Variants in GTPBP1 observed in about 807,000 individuals in gnomAD.
The protein encoded by GTPBP1 is GTP binding protein 1, also known as GTP-binding protein 1.
A neutral mutation model predicts 62.0 loss-of-function variants in GTPBP1; 23 were observed. That is an observed-to-expected ratio of 0.37 (90% CI 0.27 to 0.53). GTPBP1 has a LOEUF of 0.53. Ranked by LOEUF, GTPBP1 falls within the 20% of genes least tolerant of loss-of-function variation. The pLI is 0.89. For missense variants in GTPBP1, 640 were observed against 917.3 expected (o/e 0.70, Z 3.90); for synonymous variants, 344 against 364.4 (o/e 0.94, Z 0.64).
chr22:38,724,524 C>CT, intron 6 of GTPBP1, 113 bp downstream of exon 6: 1 of 662,390 alleles, frequency 1.5e-6, no homozygotes, highest in Non-Finnish European at 2.8e-6. Flanking sequence ...GAAAACACCA[C>CT]ATCAACACCT....
Position 38,730,896 on chromosome 22 carries a change from G to A in GTPBP1, c.*192G>A, listed in dbSNP as rs1366825043. On this transcript the variant is annotated 3_prime_UTR_variant, in exon 12 of 12. Coordinates refer to ENST00000216044, the MANE Select transcript of GTPBP1 (RefSeq NM_004286.5). The surrounding 1 kb of genome is among the most constrained non-coding windows in gnomAD (Gnocchi z 5.6). ...AGCTGACGAAGGTAGCCAGACTTCC[G>A]GAGGACTGACCATCTCTCACTGTCC... is the stretch of plus-strand genomic sequence containing the variant. The A allele has an allele frequency of 2.9e-5, 16 of 556,022 alleles. No homozygotes were observed. Among genetic ancestry groups the A allele is most frequent in the African/African-American group, 3.9e-5 (2 of 51,280 alleles). 34.4% of individuals were successfully genotyped at this position (556,022 alleles called of 1,614,324 possible). A position where few individuals can be genotyped will look rare whatever the true frequency, so the allele number is the denominator to read the frequency against.
At chr22:38,715,143 G>GTC (rs2092662372) in intron 2 of GTPBP1, among the ~76,000 whole-genome samples, 1 of 152,056 alleles carries the variant, frequency 6.6e-6, no homozygotes, top group African/African-American at 2.4e-5. Flanking sequence ...CCCCTTACTG[G>GTC]TCTCTCACTT....
At position 38,730,782 on chromosome 22, in the gene GTPBP1, A is replaced by C; in HGVS notation, c.*78A>C. 1 of 774,458 alleles carries C rather than the reference A, an allele frequency of 1.3e-6. No individual in the cohort carries two copies. Among genetic ancestry groups the C allele is most frequent in the Non-Finnish European group, 2.0e-6 (1 of 490,650 alleles). The allele number at this position is 774,458 out of a possible 1,614,324, so 48.0% of individuals were successfully genotyped here. ...ACTCCACCAGATGGGCAGAGCAGCT[A>C]TGACCGCCACCCAGCCCTCCCGCTC... On this transcript the variant is annotated 3_prime_UTR_variant, in exon 12 of 12. Transcript: ENST00000216044. This position sits in a 1 kb window ranked among gnomAD's most constrained non-coding sequence, Gnocchi z 5.6.
At chr22:38,729,213 G>C in intron 10 of GTPBP1, 1 of 389,508 alleles carries the variant, frequency 2.6e-6, no homozygotes, top group Non-Finnish European at 4.6e-6. Flanking sequence ...GCCTTTCTGG[G>C]CTGGGCAGAG....
At chr22:38,738,362 C>G, downstream of GTPBP1, 1 of 1,190,860 alleles carries the variant, frequency 8.4e-7, no homozygotes, top group Non-Finnish European at 1.2e-6. This position sits in a 1 kb window ranked among gnomAD's most constrained non-coding sequence, Gnocchi z 6.6. Flanking sequence ...AGGTCAGGCA[C>G]CAGAGTGGCC....
chr22:38,738,765 A>G (rs1288053063), downstream of GTPBP1: 1 of 1,612,696 alleles, frequency 6.2e-7, no homozygotes, highest in Non-Finnish European at 8.5e-7. The surrounding 1 kb of genome is among the most constrained non-coding windows in gnomAD (Gnocchi z 6.6). Flanking sequence ...CTGGAGGAGC[A>G]GAAAGTCATG....
downstream of GTPBP1, chr22:38,742,405 C>T (rs950187445): frequency 3.7e-6 from 6 of 1,613,342 alleles, no homozygotes; most frequent in Non-Finnish European, 5.1e-6. Context: ...TGGCTCAGGC[C>T]ACCACCACCT....
intron 2 of GTPBP1, among the ~76,000 whole-genome samples, chr22:38,711,856 TAGG>T (rs2145844454): frequency 6.6e-6 from 1 of 151,878 alleles, no homozygotes; most frequent in South Asian, 2.1e-4. Context: ...TCAGGGGACA[TAGG>T]AGGAGTATTA....
chr22:38,716,638 T>C lies in GTPBP1; in HGVS notation c.486-14T>C. 1 of 1,571,040 alleles carries C rather than the reference T, an allele frequency of 6.4e-7. No homozygotes were observed. Among genetic ancestry groups the C allele is most frequent in the Non-Finnish European group, 8.7e-7 (1 of 1,144,908 alleles). The stretch of plus-strand genomic sequence containing the variant: ...CTAACTCTCACATAGATGTATGGGT[T>C]CATCTACACGCAGGGTAGCAGTGGT... On this transcript the variant is annotated splice_polypyrimidine_tract_variant and intron_variant, in intron 3 of 11. Coordinates refer to ENST00000216044, the MANE Select transcript of GTPBP1 (RefSeq NM_004286.5). This position sits in a 1 kb window ranked among gnomAD's most constrained non-coding sequence, Gnocchi z 5.2.
downstream of GTPBP1, chr22:38,734,507 C>T: frequency 1.2e-5 from 4 of 322,376 alleles, no homozygotes; most frequent in South Asian, 9.1e-5. Flanking sequence ...AATAAAGCCA[C>T]CTCACTGCTT....
downstream of GTPBP1, chr22:38,738,641 C>T: frequency 6.2e-7 from 1 of 1,614,048 alleles, no homozygotes; most frequent in Non-Finnish European, 8.5e-7. The surrounding 1 kb of genome is among the most constrained non-coding windows in gnomAD (Gnocchi z 6.6). Context: ...GTGACAAGGC[C>T]TTGGGCACAT....
chr22:38,722,670 T>G (rs2092706608), intron 5 of GTPBP1: 2 of 1,550,744 alleles, frequency 1.3e-6, no homozygotes, highest in Admixed American at 3.6e-5. Flanking sequence ...TAATCATCTA[T>G]AAAATGATAA....
rs2092754213 is a variant in GTPBP1 at position 38,730,796 on chromosome 22, G to A, written c.*92G>A. Reference sequence around the variant, plus strand: ...GCAGAGCAGCTATGACCGCCACCCAGCCCTCCCGCTCAGGCCACAGCCGGA... The same window carrying A: ...GCAGAGCAGCTATGACCGCCACCCAACCCTCCCGCTCAGGCCACAGCCGGA... On this transcript the variant is annotated 3_prime_UTR_variant, in exon 12 of 12. Transcript: ENST00000216044. This position sits in a 1 kb window ranked among gnomAD's most constrained non-coding sequence, Gnocchi z 5.6. 2 of 682,786 alleles carry A rather than the reference G, an allele frequency of 2.9e-6. No individual in the cohort carries two copies. Among genetic ancestry groups the A allele is most frequent in the East Asian group, 2.9e-5 (1 of 34,606 alleles). The allele number at this position is 682,786 out of a possible 1,614,324, so 42.3% of individuals were successfully genotyped here.
downstream of GTPBP1, chr22:38,734,961 C>A (rs893546057): frequency 1.1e-5 from 3 of 268,750 alleles, no homozygotes; most frequent in Non-Finnish European, 2.2e-5. Context: ...CCCTTCCCCG[C>A]AGCCAGACCA....
intron 4 of GTPBP1, among the ~76,000 whole-genome samples, chr22:38,717,449 A>T (rs1332076471): frequency 6.6e-6 from 1 of 152,142 alleles, no homozygotes; most frequent in Non-Finnish European, 1.5e-5. Flanking sequence ...AGGCCCTGAG[A>T]GGTGGCCTCC....
chr22:38,732,209 A>C lies in GTPBP1; in HGVS notation c.*1505A>C, dbSNP rs1349288813. On this transcript the variant is annotated 3_prime_UTR_variant, in exon 12 of 12. Transcript: ENST00000216044. ...CCCCTGGCCGTGGACTGATCAGACC[A>C]GCATTCAAAATAAAAGTTTGTTCCA... 2.0e-5 allele frequency: 3 copies of C among 152,632 alleles called. No individual in the cohort carries two copies. The highest frequency in any genetic ancestry group is 6.5e-5 in the Admixed American group (1 of 15,284). The allele number at this position is 152,632 out of a possible 1,614,324, so 9.5% of individuals were successfully genotyped here.
At chr22:38,723,131 A>T in intron 5 of GTPBP1, 1 of 788,248 alleles carries the variant, frequency 1.3e-6, no homozygotes, top group Non-Finnish European at 2.3e-6. Flanking sequence ...TTCACAGTTC[A>T]CATCATGAAA....
rs2092761218 is a variant in GTPBP1 at position 38,731,659 on chromosome 22, GT to G, written c.*959del. On this transcript the variant is annotated 3_prime_UTR_variant, in exon 12 of 12. Coordinates refer to ENST00000216044, the MANE Select transcript of GTPBP1 (RefSeq NM_004286.5). ...GGGGTCTGGGTCTGCTCAGGATCAT[GT>G]TTTGTAGCACCTCCTGTTGGAGGGG... 1 of 152,626 alleles carries G rather than the reference GT, an allele frequency of 6.6e-6. No homozygotes were observed. The allele number at this position is 152,626 out of a possible 1,614,324, so 9.5% of individuals were successfully genotyped here. A position where few individuals can be genotyped will look rare whatever the true frequency, so the allele number is the denominator to read the frequency against.
intron 2 of GTPBP1, among the ~76,000 whole-genome samples, chr22:38,711,594 C>A (rs1007147851): frequency 9.2e-5 from 14 of 152,246 alleles, no homozygotes; most frequent in African/African-American, 3.4e-4. Flanking sequence ...ATAATCCCAG[C>A]ACTTTGGGAG....
Sources: allele counts gnomAD v4.1 joint callset (sites outside exome capture counted in the v4.1 genomes callset), GRCh38; gene constraint gnomAD v4.1.1; non-coding constraint Gnocchi (gnomAD v3.1); transcripts MANE v1.5; gene names NCBI Gene and HGNC (gene_info 2026-07-23, HGNC 2026-07-21).